Variants in NR3C2 observed in about 807,000 individuals in gnomAD.
NR3C2 encodes the protein nuclear receptor subfamily 3 group C member 2, also known as mineralocorticoid receptor.
NR3C2 carries 15 observed loss-of-function variants against 86.4 expected under a neutral mutation model. That is an observed-to-expected ratio of 0.17 (90% CI 0.12 to 0.27). The LOEUF (loss-of-function observed/expected upper bound fraction) is 0.27. Among genes scored for constraint, NR3C2 ranks in the 10% least tolerant of loss-of-function variants. The probability of loss-of-function intolerance (pLI) is 1.00; values close to 1 mark genes in which losing one functional copy is unlikely to be tolerated. For missense variants in NR3C2, 960 were observed against 1,195.6 expected, an observed-to-expected ratio of 0.80 and a Z score of 2.91; for synonymous variants, 458 against 450.5, an observed-to-expected ratio of 1.02 and a Z score of -0.21.
At chr4:148,131,226 CAAT>C (rs1733029509) in intron 6 of NR3C2, among the ~76,000 whole-genome samples, 1 of 152,144 alleles carries the variant, frequency 6.6e-6, no homozygotes, top group Admixed American at 6.5e-5. Context: ...GCAATAGTGT[CAAT>C]CTCGCAACAG....
rs1341770852 is a variant in NR3C2, at chr4:148,164,232, G to T, written c.2015-9331C>A. On this transcript the variant is annotated intron_variant, in intron 4 of 8. Coordinates refer to ENST00000358102, the MANE Select transcript of NR3C2 (RefSeq NM_000901.5). ...CTTTTGCTCCCTGTTGTGACACCTTGATTCTAACTGGAGGAGAATTTAACA... is the reference window on the plus strand; with the variant it reads ...CTTTTGCTCCCTGTTGTGACACCTTTATTCTAACTGGAGGAGAATTTAACA... Among the ~76,000 whole-genome samples, 2 of 152,132 alleles carry T rather than the reference G, an allele frequency of 1.3e-5. 1 individual carries two copies. The highest frequency in any genetic ancestry group is 2.9e-5 in the Non-Finnish European group (2 of 68,022).
intron 2 of NR3C2, among the ~76,000 whole-genome samples, chr4:148,431,930 T>C (rs1293921196): frequency 3.9e-5 from 6 of 152,174 alleles, no homozygotes; most frequent in African/African-American, 1.4e-4. Flanking sequence ...CAAAGAGCAT[T>C]TGTTTATGTG....
chr4:148,423,814 T>C (rs2126615789), intron 2 of NR3C2, among the ~76,000 whole-genome samples: 1 of 152,300 alleles, frequency 6.6e-6, no homozygotes, highest in South Asian at 2.1e-4. Flanking sequence ...GCAATTCCCC[T>C]TCCCCTGCCT....
intron 2 of NR3C2, among the ~76,000 whole-genome samples, chr4:148,360,391 T>C (rs1219902957): frequency 1.3e-5 from 2 of 152,180 alleles, no homozygotes; most frequent in Non-Finnish European, 2.9e-5. Flanking sequence ...TAGTCCAAGA[T>C]CTATACACTG....
chr4:148,134,725 T>C (rs1733213201), intron 6 of NR3C2, among the ~76,000 whole-genome samples: 1 of 146,006 alleles, frequency 6.8e-6, no homozygotes, highest in Non-Finnish European at 1.5e-5. Flanking sequence ...CTCGGCTCAC[T>C]GCAACCTGTG....
chr4:148,179,205 G>T (rs544039176), intron 4 of NR3C2, among the ~76,000 whole-genome samples: 40 of 151,566 alleles, frequency 2.6e-4, no homozygotes, highest in African/African-American at 9.4e-4. Flanking sequence ...GGTTGCTGGG[G>T]GTCCTGGCCC....
At chr4:148,096,387 T>C (rs2149713340) in intron 8 of NR3C2, among the ~76,000 whole-genome samples, 1 of 152,336 alleles carries the variant, frequency 6.6e-6, no homozygotes, top group African/African-American at 2.4e-5. Flanking sequence ...TGAGCTGACT[T>C]GTGTTTATAT....
chr4:148,318,751 A>C (rs911557442), intron 2 of NR3C2, among the ~76,000 whole-genome samples: 4 of 151,850 alleles, frequency 2.6e-5, no homozygotes, highest in African/African-American at 9.7e-5. Flanking sequence ...AATTTGTTTG[A>C]GTTCATTGTA....
At chr4:148,195,268 T>G (rs1027445591) in intron 3 of NR3C2, among the ~76,000 whole-genome samples, 3 of 152,222 alleles carry the variant, frequency 2.0e-5, no homozygotes, top group Non-Finnish European at 4.4e-5. Context: ...CACTGGGATT[T>G]CATAGTAATT....
chr4:148,436,086 A>C lies in NR3C2; in HGVS notation c.775T>G (p.Ser259Ala). ...HSPAHASNVG[S>A]PLSSPLSSMK... Reference sequence around the variant, plus strand: ...CTACTTAACGGACTTGAGAGAGGAGAGCCCACATTGCTAGCATGTGCAGGG... The same window carrying C: ...CTACTTAACGGACTTGAGAGAGGAGCGCCCACATTGCTAGCATGTGCAGGG... The change falls in exon 2 of 9, where the codon TCT becomes GCT. Residue 259 changes from serine (S) to alanine (A), a missense_variant. Ser to Ala is a moderately conservative substitution (Grantham distance 99). Around this residue, in one of 4 missense-constraint regions of NR3C2, gnomAD observed 680 missense variants for 719.0 expected, o/e 0.95. Transcript: ENST00000358102. The C allele has an allele frequency of 6.2e-7, 1 of 1,614,086 alleles. No homozygotes were observed. Among genetic ancestry groups the C allele is most frequent in the South Asian group, 1.1e-5 (1 of 91,072 alleles).
chr4:148,127,519 A>T (rs1246624735), intron 6 of NR3C2, among the ~76,000 whole-genome samples: 1 of 152,222 alleles, frequency 6.6e-6, no homozygotes, highest in Non-Finnish European at 1.5e-5. Flanking sequence ...CAGTGGACTA[A>T]TACAAATGTG....
chr4:148,128,239 C>T (rs145233700), intron 6 of NR3C2, among the ~76,000 whole-genome samples: 3 of 152,284 alleles, frequency 2.0e-5, no homozygotes, highest in African/African-American at 7.2e-5. Context: ...AACCGTGTTG[C>T]CCTATTTCAC....
At chr4:148,429,525 T>G (rs2126635473) in intron 2 of NR3C2, among the ~76,000 whole-genome samples, 1 of 152,354 alleles carries the variant, frequency 6.6e-6, no homozygotes, top group South Asian at 2.1e-4. Flanking sequence ...TACATAAAAA[T>G]TTTGGCCTTA....
intron 8 of NR3C2, among the ~76,000 whole-genome samples, chr4:148,098,648 T>C (rs1731403032): frequency 6.6e-6 from 1 of 152,230 alleles, no homozygotes; most frequent in Non-Finnish European, 1.5e-5. Flanking sequence ...GCCCTGAGCA[T>C]TGATTTTAGG....
intron 2 of NR3C2, among the ~76,000 whole-genome samples, chr4:148,349,534 C>T (rs187453774): frequency 6.6e-6 from 1 of 152,134 alleles, no homozygotes; most frequent in Non-Finnish European, 1.5e-5. Context: ...ATAAAGGTTC[C>T]TACAAAATAG....
chr4:148,082,670 T>TTTTG (rs1553982890), intron 8 of NR3C2, among the ~76,000 whole-genome samples: 7 of 150,372 alleles, frequency 4.7e-5, no homozygotes, highest in South Asian at 2.2e-4. Flanking sequence ...CTGCAGTTTT[T>TTTTG]TTTTTTTTTT....
chr4:148,286,864 T>C (rs529734890), intron 2 of NR3C2, among the ~76,000 whole-genome samples: 72 of 152,352 alleles, frequency 4.7e-4, no homozygotes, highest in African/African-American at 1.7e-3. Context: ...TTTACAATCA[T>C]GTACAAAGGG....
chr4:148,403,002 T>A (rs1487369776), intron 2 of NR3C2, among the ~76,000 whole-genome samples: 1 of 152,074 alleles, frequency 6.6e-6, no homozygotes, highest in South Asian at 2.1e-4. Context: ...TAAAATTCTA[T>A]GTATTTCAAA....
At chr4:148,144,915 CA>C (rs1377947918) in intron 6 of NR3C2, among the ~76,000 whole-genome samples, 2 of 152,140 alleles carry the variant, frequency 1.3e-5, no homozygotes, top group Non-Finnish European at 1.5e-5. Flanking sequence ...TGAAGAGAGC[CA>C]GATGCAAAAT....
Sources: allele counts gnomAD v4.1 joint callset (sites outside exome capture counted in the v4.1 genomes callset), GRCh38; gene constraint gnomAD v4.1.1; regional missense constraint gnomAD v4.1.1; transcripts MANE v1.5; gene names NCBI Gene and HGNC (gene_info 2026-07-23, HGNC 2026-07-21).